The following EYS variants were observed in gnomAD, a reference collection of about 807,000 sequenced individuals.
EYS encodes EGF-like photoreceptor maintenance factor, also known as protein eyes shut homolog.
In EYS, 250 loss-of-function variants were observed where a neutral mutation model predicts 282.1. That is an observed-to-expected ratio of 0.89 (90% CI 0.80 to 0.98). EYS has a LOEUF of 0.98. EYS is among the 50% of genes least tolerant of loss of function. The pLI is 0.00. For synonymous variants in EYS, 1,355 were observed against 1,282.9 expected (o/e 1.06, Z -1.20); for missense variants, 4,016 against 3,709.0 (o/e 1.08, Z -2.15).
chr6:64,903,517 T>C (rs1391289502), intron 16 of EYS, among the ~76,000 whole-genome samples: 1 of 152,148 alleles, frequency 6.6e-6, no homozygotes, highest in Non-Finnish European at 1.5e-5. Flanking sequence ...ACAGTACATG[T>C]CCTTTATCCT....
chr6:64,048,913 C>T (rs191372077), intron 33 of EYS, among the ~76,000 whole-genome samples: 75 of 152,088 alleles, frequency 4.9e-4, no homozygotes, highest in African/African-American at 1.6e-3. Flanking sequence ...CTTTTCCCCC[C>T]CTAGATGTTT....
chr6:63,881,679 G>C (rs1773136590), intron 35 of EYS, among the ~76,000 whole-genome samples: 1 of 151,722 alleles, frequency 6.6e-6, no homozygotes, highest in Admixed American at 6.6e-5. Flanking sequence ...CCTCCCCTTG[G>C]CACAAATATG....
At chr6:65,120,165 AAC>A (rs200540130) in intron 12 of EYS, among the ~76,000 whole-genome samples, 2 of 150,422 alleles carry the variant, frequency 1.3e-5, no homozygotes, top group African/African-American at 4.9e-5. Flanking sequence ...AAAAAAAAAA[AAC>A]AAAAACAAAT....
chr6:64,317,661 C>A (rs1770028059), intron 29 of EYS, among the ~76,000 whole-genome samples: 2 of 152,054 alleles, frequency 1.3e-5, no homozygotes, highest in African/African-American at 4.8e-5. Flanking sequence ...CCATTTGACC[C>A]AGCAATCCCT....
chr6:64,904,908 T>C (rs574929350), intron 16 of EYS, among the ~76,000 whole-genome samples: 7 of 152,300 alleles, frequency 4.6e-5, no homozygotes, highest in Middle Eastern at 6.8e-3. Context: ...GGAAATGAGA[T>C]TGCCGAAATG....
At chr6:64,396,768 G>C (rs1436115015) in intron 28 of EYS, among the ~76,000 whole-genome samples, 2 of 152,058 alleles carry the variant, frequency 1.3e-5, no homozygotes, top group South Asian at 4.1e-4. Context: ...CTGTTCTACT[G>C]GTCAATTTTT....
chr6:64,886,840 A>G lies in EYS; in HGVS notation c.2849T>C (p.Phe950Ser). ...GTACTCAGGTTCACAATTACAAAAA[A>G]ATCTGGAGAAAAGTGGAGAAATGAG... ...NGTCVDLTNR[F>S]FCNCEPEYHG... The change falls in exon 19 of 43, where the codon TTT becomes TCT. Residue 950 changes from phenylalanine to serine, a missense_variant and splice_region_variant. By Grantham distance (155) the Phe-to-Ser change is radical. Transcript: ENST00000503581. 4.0e-6 allele frequency: 6 copies of G among 1,515,198 alleles called. No individual in the cohort carries two copies. Among genetic ancestry groups the G allele is most frequent in the Non-Finnish European group, 5.3e-6 (6 of 1,129,880 alleles). The allele number at this position is 1,515,198 out of a possible 1,614,324, so 93.9% of individuals were successfully genotyped here. A position where few individuals can be genotyped will look rare whatever the true frequency, so the allele number is the denominator to read the frequency against.
chr6:64,449,250 G>A (rs897073433), intron 26 of EYS, among the ~76,000 whole-genome samples: 3 of 152,126 alleles, frequency 2.0e-5, no homozygotes, highest in Admixed American at 6.5e-5. Context: ...GGAAGAAAGG[G>A]TATCAGCGAT....
chr6:64,430,713 C>T (rs998999293), intron 28 of EYS, among the ~76,000 whole-genome samples: 1 of 152,104 alleles, frequency 6.6e-6, no homozygotes, highest in South Asian at 2.1e-4. Flanking sequence ...AAAACCTTTT[C>T]CAGCTTCCCT....
At chr6:64,496,889 T>C (rs1038441089) in intron 26 of EYS, among the ~76,000 whole-genome samples, 6 of 152,096 alleles carry the variant, frequency 3.9e-5, no homozygotes, top group African/African-American at 1.4e-4. Flanking sequence ...AATTATAAAG[T>C]TGTCCACATA....
intron 12 of EYS, among the ~76,000 whole-genome samples, chr6:65,215,752 T>A (rs1227404758): frequency 6.6e-6 from 1 of 152,064 alleles, no homozygotes; most frequent in Non-Finnish European, 1.5e-5. Flanking sequence ...TTTGGCACAG[T>A]CTCTTTAGCA....
At chr6:64,752,017 A>G (rs940851790) in intron 22 of EYS, among the ~76,000 whole-genome samples, 2 of 152,170 alleles carry the variant, frequency 1.3e-5, no homozygotes, top group African/African-American at 4.8e-5. Context: ...AAGAATAGAC[A>G]GTTTCTCCAG....
chr6:65,657,405 A>G (rs574311100), intron 1 of EYS, among the ~76,000 whole-genome samples: 70 of 152,022 alleles, frequency 4.6e-4, no homozygotes, highest in African/African-American at 1.7e-3. Context: ...GTTTCATGGT[A>G]GGAAGTCAAC....
Position 64,591,792 on chromosome 6 carries a change from CT to C in EYS, c.4074del (p.Ala1359HisfsTer22). 6.4e-7 allele frequency: 1 copy of C among 1,551,216 alleles called. No individual in the cohort carries two copies. The highest frequency in any genetic ancestry group is 8.7e-7 in the Non-Finnish European group (1 of 1,146,686). On this transcript the variant is annotated frameshift_variant, in exon 26 of 43. Transcript: ENST00000503581. LOFTEE classifies it high-confidence loss of function. ...SRFLNFGIRD[P>X]AQIVQDKTSV... Reference sequence around the variant, plus strand: ...GATGTTTTGTCCTGGACAATTTGTGCTGGGTCACGAATACCAAAATTCAGGA... The same window carrying C: ...GATGTTTTGTCCTGGACAATTTGTGCGGGTCACGAATACCAAAATTCAGGA...
Position 63,982,572 on chromosome 6 carries a change from T to C in EYS, c.7055+1811A>G, listed in dbSNP as rs572712002. Among the ~76,000 whole-genome samples the C allele has an allele frequency of 1.6e-4, 24 of 151,990 alleles. No individual in the cohort carries two copies. In the South Asian group the frequency reaches 4.8e-3, roughly 30 times the overall value. On this transcript the variant is annotated intron_variant, in intron 35 of 42. Transcript: ENST00000503581. ...TGTGGGTCTTCCCCAAACTGCTGTTTGCTTCCTCAAAGGCAGCAAAAGAGA... is the reference window on the plus strand; with the variant it reads ...TGTGGGTCTTCCCCAAACTGCTGTTCGCTTCCTCAAAGGCAGCAAAAGAGA...
intron 13 of EYS, among the ~76,000 whole-genome samples, chr6:65,004,711 C>T (rs984315633): frequency 6.8e-6 from 1 of 147,716 alleles, no homozygotes; most frequent in Admixed American, 6.7e-5. Context: ...CTTACAACTG[C>T]TGTCATTCAC....
intron 22 of EYS, among the ~76,000 whole-genome samples, chr6:64,643,908 G>A (rs1401279360): frequency 1.3e-5 from 2 of 152,160 alleles, no homozygotes; most frequent in East Asian, 1.9e-4. Flanking sequence ...TCAGTCTTGG[G>A]TAGGTCTTTA....
At chr6:64,120,123 AG>A (rs1306191214) in intron 31 of EYS, among the ~76,000 whole-genome samples, 3 of 151,516 alleles carry the variant, frequency 2.0e-5, no homozygotes, top group Admixed American at 1.3e-4. Flanking sequence ...CAAGGTGGGC[AG>A]ATCACGAGGT....
chr6:64,949,404 C>T (rs748101044), intron 14 of EYS, among the ~76,000 whole-genome samples: 1 of 151,798 alleles, frequency 6.6e-6, no homozygotes, highest in Non-Finnish European at 1.5e-5. Context: ...TGCTAGCTAC[C>T]AGGTAAAGAC....
Sources: allele counts gnomAD v4.1 joint callset (sites outside exome capture counted in the v4.1 genomes callset), GRCh38; gene constraint gnomAD v4.1.1; transcripts MANE v1.5; gene names NCBI Gene and HGNC (gene_info 2026-07-23, HGNC 2026-07-21).